CTIF: variants seen among roughly 807,000 people sequenced by gnomAD.
CTIF encodes cap binding complex dependent translation initiation factor.
A neutral mutation model predicts 66.0 loss-of-function variants in CTIF; 21 were observed. That is an observed-to-expected ratio of 0.32 (90% CI 0.23 to 0.46). CTIF has a LOEUF of 0.46. CTIF is among the 20% of genes least tolerant of loss of function. The probability of loss-of-function intolerance (pLI) is 1.00; values close to 1 mark genes in which losing one functional copy is unlikely to be tolerated. For synonymous variants in CTIF, 345 were observed against 326.4 expected, an observed-to-expected ratio of 1.06 and a Z score of -0.62; for missense variants, 739 against 812.7, an observed-to-expected ratio of 0.91 and a Z score of 1.10.
At chr18:48,603,806 C>T (rs1388335694) in intron 1 of CTIF, among the ~76,000 whole-genome samples, 1 of 151,296 alleles carries the variant, frequency 6.6e-6, no homozygotes, top group African/African-American at 2.4e-5. Context: ...CAGGAAGCTT[C>T]AAACAAGTTC....
In CTIF at chr18:48,761,047, T is replaced by C. The variant is rs910224648; in HGVS notation, c.1072-343T>C. ...CTTTGGCCCGATTTCATATTTGTTA[T>C]CTTATTTCCTCTTTCATAATTTCCA... On this transcript the variant is annotated intron_variant, in intron 8 of 11. Coordinates refer to ENST00000256413, the MANE Select transcript of CTIF (RefSeq NM_014772.3). The surrounding 1 kb of genome is among the most constrained non-coding windows in gnomAD (Gnocchi z 4.2). 17 of 195,968 alleles carry C rather than the reference T, an allele frequency of 8.7e-5. No homozygotes were observed. The highest frequency in any genetic ancestry group is 1.6e-4 in the Non-Finnish European group (16 of 97,102). 12.1% of individuals were successfully genotyped at this position (195,968 alleles called of 1,614,324 possible). A position where few individuals can be genotyped will look rare whatever the true frequency, so the allele number is the denominator to read the frequency against.
At chr18:48,782,203 T>A (rs1911300126) in intron 9 of CTIF, among the ~76,000 whole-genome samples, 1 of 149,248 alleles carries the variant, frequency 6.7e-6, no homozygotes, top group Non-Finnish European at 1.5e-5. Flanking sequence ...TGGGTGGGGG[T>A]GTTTGGTCAT....
At chr18:48,778,816 G>T (rs1461041271) in intron 9 of CTIF, among the ~76,000 whole-genome samples, 1 of 152,194 alleles carries the variant, frequency 6.6e-6, no homozygotes, top group Non-Finnish European at 1.5e-5. Flanking sequence ...CGTTCTGGGG[G>T]CATTCTCACT....
At chr18:48,582,414 G>C (rs950576404) in intron 1 of CTIF, among the ~76,000 whole-genome samples, 4 of 152,132 alleles carry the variant, frequency 2.6e-5, no homozygotes, top group Non-Finnish European at 4.4e-5. Context: ...GGATAAAGGA[G>C]GTGCCTGGGA....
intron 6 of CTIF, among the ~76,000 whole-genome samples, chr18:48,703,547 G>A (rs1433178755): frequency 6.6e-6 from 1 of 152,228 alleles, no homozygotes; most frequent in Non-Finnish European, 1.5e-5. Context: ...GAGAGAGAGA[G>A]ATAATAGACC....
chr18:48,589,490 A>C (rs757037511), intron 1 of CTIF, among the ~76,000 whole-genome samples: 5 of 152,206 alleles, frequency 3.3e-5, no homozygotes, highest in Admixed American at 1.3e-4. Context: ...GTTTACATCT[A>C]TAAAGACCCT....
intron 9 of CTIF, among the ~76,000 whole-genome samples, chr18:48,800,120 G>A (rs544956672): frequency 6.6e-6 from 1 of 152,316 alleles, no homozygotes; most frequent in East Asian, 1.9e-4. Flanking sequence ...GAGAAGCACC[G>A]TGGGGTGAAG....
chr18:48,735,336 A>G (rs2092491470), intron 7 of CTIF, among the ~76,000 whole-genome samples: 1 of 152,212 alleles, frequency 6.6e-6, no homozygotes, highest in African/African-American at 2.4e-5. Context: ...AGGCCAAGCC[A>G]GGGAGGAAGG....
At chr18:48,752,786 C>T (rs140812502) in intron 7 of CTIF, among the ~76,000 whole-genome samples, 187 of 152,356 alleles carry the variant, frequency 1.2e-3, no homozygotes, top group African/African-American at 3.8e-3. Context: ...ATCAGCCCTG[C>T]GCGCACCATG....
intron 6 of CTIF, among the ~76,000 whole-genome samples, chr18:48,675,598 A>G (rs1328513638): frequency 6.6e-6 from 1 of 152,198 alleles, no homozygotes; most frequent in Non-Finnish European, 1.5e-5. Flanking sequence ...CCCTGCAGCA[A>G]GTGGGAGGAT....
rs138511151 is a variant in CTIF at position 48,604,538 on chromosome 18, T to C, written c.-28-15000T>C. Among the ~76,000 whole-genome samples the C allele has an allele frequency of 3.9e-4, 59 of 152,316 alleles. No individual in the cohort carries two copies. In the East Asian group the frequency reaches 8.1e-3, roughly 21 times the overall value. ...TGGTCCTAGATGATTCTAACAACTA[T>C]GGTTTTTTTGGAGAGGCCTCCAAGC... On this transcript the variant is annotated intron_variant, in intron 1 of 11. Transcript: ENST00000256413.
chr18:48,607,135 C>T (rs1399463930), intron 1 of CTIF, among the ~76,000 whole-genome samples: 2 of 152,198 alleles, frequency 1.3e-5, no homozygotes, highest in African/African-American at 4.8e-5. Context: ...AGGAGTTTCC[C>T]TCCCTCGGGT....
chr18:48,804,579 A>G (rs966915194), intron 9 of CTIF, among the ~76,000 whole-genome samples: 1 of 152,196 alleles, frequency 6.6e-6, no homozygotes, highest in African/African-American at 2.4e-5. Flanking sequence ...AACTCAGGAT[A>G]CAGCTACCAG....
At chr18:48,565,305 G>A (rs1032606153) in intron 1 of CTIF, 1 of 152,094 alleles carries the variant, frequency 6.6e-6, no homozygotes, top group Non-Finnish European at 1.5e-5. Flanking sequence ...GGCTGTCAAG[G>A]GCCTTGCCTT....
chr18:48,711,832 G>T (rs535332946), intron 7 of CTIF, 137 bp downstream of exon 7: 3 of 714,732 alleles, frequency 4.2e-6, no homozygotes, highest in Non-Finnish European at 7.3e-6. Flanking sequence ...GGCATCGTGG[G>T]TTGGTTACTG....
At chr18:48,556,126 T>A (rs1190524888) in intron 1 of CTIF, among the ~76,000 whole-genome samples, 1 of 152,184 alleles carries the variant, frequency 6.6e-6, no homozygotes, top group East Asian at 1.9e-4. Context: ...TGTCCTGAGC[T>A]GCCTGCACAT....
At chr18:48,813,095 A>G (rs774377918) in intron 9 of CTIF, among the ~76,000 whole-genome samples, 4 of 151,560 alleles carry the variant, frequency 2.6e-5, no homozygotes, top group African/African-American at 4.9e-5. Context: ...TATCTTCTGC[A>G]TTACTTTTTC....
intron 10 of CTIF, among the ~76,000 whole-genome samples, chr18:48,832,720 GA>G (rs2068720026): frequency 6.6e-6 from 1 of 152,208 alleles, no homozygotes; most frequent in South Asian, 2.1e-4. Flanking sequence ...ATTGAAACAT[GA>G]AAGTATTTGC....
chr18:48,830,196 G>A (rs1020670864), intron 10 of CTIF, among the ~76,000 whole-genome samples: 6 of 152,132 alleles, frequency 3.9e-5, no homozygotes, highest in African/African-American at 9.7e-5. Flanking sequence ...ACAGTGTCTC[G>A]CTCTGTCACC....
Sources: gnomAD v4.1 joint callset for allele counts (sites outside exome capture counted in the v4.1 genomes callset) on GRCh38, gnomAD v4.1.1 for gene constraint, Gnocchi (gnomAD v3.1) non-coding constraint, MANE v1.5 for transcripts, NCBI Gene and HGNC (gene_info 2026-07-23, HGNC 2026-07-21) for gene names.